Variants in WDR5 observed in about 807,000 individuals in gnomAD.
WDR5 encodes WD repeat-containing protein 5.
For missense variants in WDR5, 187 were observed against 416.9 expected (o/e 0.45, Z 4.80); for synonymous variants, 144 against 161.6 (o/e 0.89, Z 0.83).
In WDR5 at chr9:134,155,576, C is replaced by T. The variant is rs144858792; in HGVS notation, c.742-117C>T. ...AATCTTCGATTGTGTGGGTTTGGTA[C>T]TTGTACTTTTCAGAAATAAGTGAAG... On this transcript the variant is annotated intron_variant, in intron 11 of 13. Coordinates refer to ENST00000358625, the MANE Select transcript of WDR5 (RefSeq NM_017588.3). The T allele has an allele frequency of 6.9e-6, 9 of 1,300,304 alleles. No individual in the cohort carries two copies. In the African/African-American group the frequency reaches 1.0e-4, roughly 15 times the overall value. 80.5% of individuals were successfully genotyped at this position (1,300,304 alleles called of 1,614,324 possible).
rs1831957759 is a variant in WDR5, at chr9:134,142,734, C to G, written c.528+15C>G. On this transcript the variant is annotated intron_variant, in intron 7 of 13. Coordinates refer to ENST00000358625, the MANE Select transcript of WDR5 (RefSeq NM_017588.3). The stretch of plus-strand genomic sequence containing the variant: ...CAGTCTCGGCCGTAAGTCCCTCTGA[C>G]ACGGATGGGGTGGTGTCCAGCACTA... 4 of 1,613,616 alleles carry G rather than the reference C, an allele frequency of 2.5e-6. No homozygotes were observed. Among genetic ancestry groups the G allele is most frequent in the Non-Finnish European group, 2.5e-6 (3 of 1,179,496 alleles).
intron 9 of WDR5, among the ~76,000 whole-genome samples, chr9:134,153,104 C>T (rs1832575726): frequency 6.6e-6 from 1 of 152,220 alleles, no homozygotes; most frequent in Non-Finnish European, 1.5e-5. Flanking sequence ...TTTTGCCATG[C>T]ATCTCTCCTG....
chr9:134,136,693 G>C (rs1831578625), intron 1 of WDR5, among the ~76,000 whole-genome samples: 4 of 152,300 alleles, frequency 2.6e-5, no homozygotes, highest in Admixed American at 2.6e-4. Context: ...CCTGGGGTGC[G>C]GGTCCTCGGT....
intron 1 of WDR5, 98 bp from the exon 2 acceptor site, chr9:134,139,722 G>A (rs1831775624): frequency 1.4e-6 from 1 of 739,416 alleles, no homozygotes. Flanking sequence ...GGCTCAATAT[G>A]GTAGTCAAAT....
At chr9:134,146,104 A>G (rs560533479) in intron 7 of WDR5, among the ~76,000 whole-genome samples, 93 of 151,732 alleles carry the variant, frequency 6.1e-4, no homozygotes, top group African/African-American at 2.0e-3. Context: ...AGCTGGGACT[A>G]CAGGCGCCCT....
intron 7 of WDR5, among the ~76,000 whole-genome samples, chr9:134,145,129 C>T (rs1298462800): frequency 2.2e-5 from 2 of 91,448 alleles, no homozygotes; most frequent in African/African-American, 7.3e-5. Flanking sequence ...AACAGAATCT[C>T]ACTCTGTTGC....
At chr9:134,152,168 G>C (rs1017846779) in intron 9 of WDR5, 139 bp downstream of exon 9, 9 of 1,024,616 alleles carry the variant, frequency 8.8e-6, no homozygotes, top group Admixed American at 7.7e-5. Flanking sequence ...CTCCGTGTCC[G>C]ACCGTTCCGC....
chr9:134,139,753 T>G, intron 1 of WDR5, 67 bp from the exon 2 acceptor site: 1 of 1,038,294 alleles, frequency 9.6e-7, no homozygotes, highest in Non-Finnish European at 1.4e-6. Context: ...TCATCCTTTT[T>G]CTTGGAAATC....
intron 7 of WDR5, among the ~76,000 whole-genome samples, chr9:134,147,243 T>A (rs1043496226): frequency 1.3e-5 from 2 of 152,234 alleles, no homozygotes; most frequent in Non-Finnish European, 2.9e-5. Context: ...GAGTCTAGCC[T>A]AGTGCTTCTC....
intron 9 of WDR5, among the ~76,000 whole-genome samples, chr9:134,152,703 G>T (rs548939411): frequency 9.8e-5 from 15 of 152,318 alleles, no homozygotes; most frequent in Middle Eastern, 3.4e-3. Flanking sequence ...ATGGACCCCC[G>T]TGTGGGGAGG....
At chr9:134,151,433 C>CT (rs1832481930) in intron 8 of WDR5, among the ~76,000 whole-genome samples, 2 of 152,200 alleles carry the variant, frequency 1.3e-5, no homozygotes, top group African/African-American at 4.8e-5. Flanking sequence ...ATTGTGGGTG[C>CT]TAACACAGTG....
At chr9:134,151,844 CTG>C in intron 8 of WDR5, 137 bp from the exon 9 acceptor site, 1 of 815,962 alleles carries the variant, frequency 1.2e-6, no homozygotes, top group Non-Finnish European at 2.0e-6. Context: ...AAGAGAATGA[CTG>C]TTAAACAGGT....
At chr9:134,154,688 C>T in intron 10 of WDR5, 147 bp downstream of exon 10, 3 of 883,650 alleles carry the variant, frequency 3.4e-6, no homozygotes, top group Non-Finnish European at 5.3e-6. Context: ...GGGCAGTGGC[C>T]TGTTAGGTCG....
intron 10 of WDR5, 80 bp from the exon 11 acceptor site, chr9:134,155,260 A>G: frequency 6.9e-7 from 1 of 1,453,918 alleles, no homozygotes; most frequent in South Asian, 1.5e-5. Context: ...GGTGGCTGTG[A>G]CGTAGTGGCT....
intron 5 of WDR5, 105 bp from the exon 6 acceptor site, chr9:134,142,227 CG>C (rs1831931838): frequency 2.3e-6 from 3 of 1,296,756 alleles, no homozygotes; most frequent in Non-Finnish European, 3.2e-6. Flanking sequence ...AAGTCACTGG[CG>C]GGGCATCAGG....
At chr9:134,151,367 G>A (rs1465373695) in intron 8 of WDR5, among the ~76,000 whole-genome samples, 2 of 152,160 alleles carry the variant, frequency 1.3e-5, no homozygotes, top group Non-Finnish European at 2.9e-5. Flanking sequence ...CTTGGGGAAT[G>A]ATTTGTCCAC....
At chr9:134,151,951 G>C (rs1442221586) in intron 8 of WDR5, 32 bp from the exon 9 acceptor site, 1 of 1,611,518 alleles carries the variant, frequency 6.2e-7, no homozygotes. Context: ...TAACTTGTCT[G>C]CTTACGCTTT....
intron 1 of WDR5, among the ~76,000 whole-genome samples, chr9:134,138,760 C>T (rs1430522074): frequency 1.3e-5 from 2 of 152,128 alleles, no homozygotes; most frequent in Non-Finnish European, 2.9e-5. Flanking sequence ...CCTTCCATTT[C>T]GCGTTAGTGT....
chr9:134,158,105 C>G lies in WDR5; in HGVS notation c.*112C>G. The G allele has an allele frequency of 1.1e-6, 1 of 927,754 alleles. No homozygotes were observed. Among genetic ancestry groups the G allele is most frequent in the Non-Finnish European group, 1.7e-6 (1 of 591,446 alleles). The allele number at this position is 927,754 out of a possible 1,614,324, so 57.5% of individuals were successfully genotyped here. On this transcript the variant is annotated 3_prime_UTR_variant, in exon 14 of 14. Coordinates refer to ENST00000358625, the MANE Select transcript of WDR5 (RefSeq NM_017588.3). The stretch of plus-strand genomic sequence containing the variant: ...TCTGCGCCTGGGGGTCAGGACAGGG[C>G]CTGATTTGAGCCTCCTCTCTGAAGA...
Sources: allele counts gnomAD v4.1 joint callset (sites outside exome capture counted in the v4.1 genomes callset), GRCh38; gene constraint gnomAD v4.1.1; transcripts MANE v1.5; gene names NCBI Gene and HGNC (gene_info 2026-07-23, HGNC 2026-07-21).